Variants in ATXN7L3 observed in about 807,000 individuals in gnomAD.
ATXN7L3 encodes ataxin-7-like protein 3.
A neutral mutation model predicts 50.0 loss-of-function variants in ATXN7L3; 6 were observed. The observed-to-expected ratio is 0.12, with a 90% CI of 0.07 to 0.24. ATXN7L3 has a LOEUF of 0.24. Ranked by LOEUF, ATXN7L3 falls within the 10% of genes least tolerant of loss-of-function variation. The pLI is 1.00. For missense variants in ATXN7L3, 322 were observed against 451.3 expected (o/e 0.71, Z 2.60); for synonymous variants, 198 against 165.8 (o/e 1.19, Z -1.49).
At chr17:44,197,549 G>A (rs2055956225) in intron 3 of ATXN7L3, 49 bp downstream of exon 3, 1 of 1,612,706 alleles carries the variant, frequency 6.2e-7, no homozygotes, top group Admixed American at 1.7e-5. Context: ...GAAACTCCAG[G>A]CAGTCCCAGG....
intron 8 of ATXN7L3, 129 bp from the exon 9 acceptor site, chr17:44,195,616 G>C (rs1025934224): frequency 1.6e-6 from 2 of 1,231,534 alleles, no homozygotes; most frequent in African/African-American, 3.0e-5. Context: ...CGTTTTCCAA[G>C]TGATTTCTCT....
chr17:44,195,291 C>A, intron 9 of ATXN7L3, 128 bp downstream of exon 9: 1 of 1,367,270 alleles, frequency 7.3e-7, no homozygotes, highest in Non-Finnish European at 1.0e-6. Flanking sequence ...GGCCGGGAAA[C>A]CTAATTCCAG....
rs776406810 is a variant in ATXN7L3 at position 44,194,303 on chromosome 17, G to A, written c.1004C>T (p.Pro335Leu). The change falls in exon 13 of 13, where the codon CCG (proline) becomes CTG (leucine). Residue 335 changes from proline (P) to leucine (L), a missense_variant. Physicochemically the swap from Pro to Leu is moderately conservative, Grantham distance 98. Coordinates refer to ENST00000587097, the MANE Select transcript of ATXN7L3 (RefSeq NM_001382309.1). ...ATAGATGCTGGGCGTCGGGGGTGCC[G>A]GTGGCTTTGGCTTCTTCTTCTTGTT... ...GSNKKKKPKP[P>L]APPTPSIYDD... 14 of 1,614,042 alleles carry A rather than the reference G, an allele frequency of 8.7e-6. No individual in the cohort carries two copies. The highest frequency in any genetic ancestry group is 6.7e-5 in the East Asian group (3 of 44,894).
chr17:44,196,180 T>C, intron 6 of ATXN7L3, 101 bp from the exon 7 acceptor site: 3 of 1,388,564 alleles, frequency 2.2e-6, no homozygotes, highest in South Asian at 2.4e-5. Flanking sequence ...CATCCTCAAA[T>C]TCCTACTCTT....
Position 44,195,788 on chromosome 17 carries a change from G to A in ATXN7L3, c.552+12C>T. The A allele has an allele frequency of 1.9e-6, 3 of 1,602,542 alleles. No individual in the cohort carries two copies. Among genetic ancestry groups the A allele is most frequent in the Non-Finnish European group, 2.6e-6 (3 of 1,169,822 alleles). On this transcript the variant is annotated intron_variant, in intron 8 of 12. Coordinates refer to ENST00000587097, the MANE Select transcript of ATXN7L3 (RefSeq NM_001382309.1). ...ACAATGAGAGCAAGCATGAGGGGCG[G>A]CCCATACTCACCTTAAAAGGATCCG...
In ATXN7L3 at chr17:44,196,011, C is replaced by T. The variant is rs745462334; in HGVS notation, c.523+23G>A. ...CCCAGAAGACACAGCTAGAAGCATTCCCATTGCTCCGGCTCCACTTACCAT... is the reference window on the plus strand; with the variant it reads ...CCCAGAAGACACAGCTAGAAGCATTTCCATTGCTCCGGCTCCACTTACCAT... On this transcript the variant is annotated intron_variant, in intron 7 of 12. Transcript: ENST00000587097. 36 of 1,601,800 alleles carry T rather than the reference C, an allele frequency of 2.2e-5. No individual in the cohort carries two copies. The Middle Eastern group carries it at 6.6e-4, about 29-fold the overall frequency.
chr17:44,196,831 T>A, intron 5 of ATXN7L3, 98 bp downstream of exon 5: 1 of 785,974 alleles, frequency 1.3e-6, no homozygotes, highest in Non-Finnish European at 2.2e-6. Context: ...ACACTCTCTC[T>A]TCATCATTCA....
Position 44,198,053 on chromosome 17 carries a change from C to T in ATXN7L3, c.18G>A (p.Met6Ile). MKMEE[M>I]SLSGLDNSKL... ...TGCTGTTATCCAGGCCAGACAAAGA[C>T]ATTTCCTCCATTTTCATTTGTAAAC... Residue 6 changes from methionine (M) to isoleucine (I), a missense_variant, in exon 2 of 13, where the codon ATG becomes ATA. This residue lies in a region of ATXN7L3 where 33 missense variants were observed against 35.1 expected (regional missense o/e 0.94). Transcript: ENST00000587097. 1 of 1,614,114 alleles carries T rather than the reference C, an allele frequency of 6.2e-7. No homozygotes were observed.
At chr17:44,196,226 T>TCCCCCCCCCCCCCAGACCCCCC in intron 6 of ATXN7L3, 147 bp from the exon 7 acceptor site, 1 of 737,694 alleles carries the variant, frequency 1.4e-6, no homozygotes, top group East Asian at 3.0e-5. Context: ...CCATGTGCCC[T>TCCCCCCCCCCCCCAGACCCCCC]CCCCCACCCC....
At position 44,196,959 on chromosome 17, in the gene ATXN7L3, T is replaced by C. The variant is rs750899701; in HGVS notation, c.424A>G (p.Asn142Asp). Residue 142 changes from asparagine (N) to aspartate (D), a missense_variant, in exon 5 of 13, where the codon AAC becomes GAC. Around this residue, in one of 5 missense-constraint regions of ATXN7L3, gnomAD observed 95 missense variants for 98.1 expected, o/e 0.97. Transcript: ENST00000587097. ...TTCTCCGAGCCATAGGACCAGTCGT[T>C]GTCATTGATGTCATCATTATCTTCT... is the stretch of plus-strand genomic sequence containing the variant. ...DQEDNDDIND[N>D]DWSYGSEKKA... 4.3e-6 allele frequency: 7 copies of C among 1,611,278 alleles called. No individual in the cohort carries two copies. Among genetic ancestry groups the C allele is most frequent in the Non-Finnish European group, 5.9e-6 (7 of 1,178,380 alleles).
rs1417674517 is a variant in ATXN7L3, at chr17:44,193,608, T to G, written c.*655A>C. Reference sequence around the variant, plus strand: ...TCCTGGCACCCAACAAAAGGACAGCTCCTGCTGCCAAGGAGGCCCATGGGG... The same window carrying G: ...TCCTGGCACCCAACAAAAGGACAGCGCCTGCTGCCAAGGAGGCCCATGGGG... On this transcript the variant is annotated 3_prime_UTR_variant, in exon 13 of 13. Coordinates refer to ENST00000587097, the MANE Select transcript of ATXN7L3 (RefSeq NM_001382309.1). 6.6e-6 allele frequency: 1 copy of G among 152,058 alleles called. No individual in the cohort carries two copies. The highest frequency in any genetic ancestry group is 1.5e-5 in the Non-Finnish European group (1 of 68,032). The allele number at this position is 152,058 out of a possible 1,614,324, so 9.4% of individuals were successfully genotyped here. A position where few individuals can be genotyped will look rare whatever the true frequency, so the allele number is the denominator to read the frequency against.
Position 44,194,419 on chromosome 17 carries a change from G to A in ATXN7L3, c.896-8C>T, listed in dbSNP as rs368642531. On this transcript the variant is annotated splice_region_variant and splice_polypyrimidine_tract_variant and intron_variant, in intron 12 of 12. Coordinates refer to ENST00000587097, the MANE Select transcript of ATXN7L3 (RefSeq NM_001382309.1). ...ACTCAGAGCTGTTGGTACCTGTAGAGAAAGAGACACAAGGGATGAGAGTAT... is the reference window on the plus strand; with the variant it reads ...ACTCAGAGCTGTTGGTACCTGTAGAAAAAGAGACACAAGGGATGAGAGTAT... The A allele has an allele frequency of 5.0e-6, 8 of 1,613,924 alleles. No individual in the cohort carries two copies. The African/African-American group carries it at 6.7e-5, about 13-fold the overall frequency.
At position 44,193,852 on chromosome 17, in the gene ATXN7L3, C is replaced by T. The variant is rs2055785509; in HGVS notation, c.*411G>A. On this transcript the variant is annotated 3_prime_UTR_variant, in exon 13 of 13. Coordinates refer to ENST00000587097, the MANE Select transcript of ATXN7L3 (RefSeq NM_001382309.1). ...GCGGCCGAGGCAGGCCCCCTCCAGG[C>T]TCAGCTTCCAACCCACAGCCTCCCG... 5.2e-6 allele frequency: 1 copy of T among 191,008 alleles called. No homozygotes were observed. The highest frequency in any genetic ancestry group is 2.4e-5 in the African/African-American group (1 of 42,138). 11.8% of individuals were successfully genotyped at this position (191,008 alleles called of 1,614,324 possible).
intron 8 of ATXN7L3, 58 bp from the exon 9 acceptor site, chr17:44,195,545 G>C: frequency 6.5e-7 from 1 of 1,532,796 alleles, no homozygotes; most frequent in South Asian, 1.1e-5. Flanking sequence ...GAAGGACAGG[G>C]GTGGAAGTGA....
chr17:44,196,248 C>A, intron 6 of ATXN7L3, 148 bp downstream of exon 6: 1 of 911,954 alleles, frequency 1.1e-6, no homozygotes, highest in Non-Finnish European at 1.7e-6. Context: ...CTTCCCCACC[C>A]ACACTCCCCC....
chr17:44,194,298 G>A lies in ATXN7L3; in HGVS notation c.1009C>T (p.Pro337Ser), dbSNP rs777276012. ...NKKKKPKPPA[P>S]PTPSIYDDIN ...TCATCATAGATGCTGGGCGTCGGGG[G>A]TGCCGGTGGCTTTGGCTTCTTCTTC... Residue 337 changes from proline (P) to serine (S), a missense_variant, in exon 13 of 13, where the codon CCC becomes TCC. This residue lies in a region of ATXN7L3 where 122 missense variants were observed against 130.8 expected (regional missense o/e 0.93). Coordinates refer to ENST00000587097, the MANE Select transcript of ATXN7L3 (RefSeq NM_001382309.1). 1.2e-6 allele frequency: 2 copies of A among 1,614,222 alleles called. No individual in the cohort carries two copies. Among genetic ancestry groups the A allele is most frequent in the Non-Finnish European group, 1.7e-6 (2 of 1,180,030 alleles).
chr17:44,197,099 GCCC>G (rs2144486929), intron 4 of ATXN7L3, 73 bp from the exon 5 acceptor site: 1 of 1,549,410 alleles, frequency 6.5e-7, no homozygotes, highest in East Asian at 2.2e-5. Context: ...ACCCCGCTCT[GCCC>G]CCAACTTCAG....
chr17:44,196,634 T>A (rs1268969400), intron 5 of ATXN7L3, among the ~76,000 whole-genome samples: 1 of 151,352 alleles, frequency 6.6e-6, no homozygotes, highest in East Asian at 2.0e-4. Context: ...AAAAATTAGC[T>A]GGGCATGGTA....
At chr17:44,198,533 A>C in intron 1 of ATXN7L3, 1 of 157,570 alleles carries the variant, frequency 6.3e-6, no homozygotes, top group Non-Finnish European at 1.4e-5. Context: ...GCCTTCCCTA[A>C]AGACTCTCCT....
Sources: allele counts gnomAD v4.1 joint callset (sites outside exome capture counted in the v4.1 genomes callset), GRCh38; gene constraint gnomAD v4.1.1; regional missense constraint gnomAD v4.1.1; transcripts MANE v1.5; gene names NCBI Gene and HGNC (gene_info 2026-07-23, HGNC 2026-07-21).